DPP10: variants seen among roughly 807,000 people sequenced by gnomAD.
DPP10 encodes inactive dipeptidyl peptidase 10.
In DPP10, 33 loss-of-function variants were observed where a neutral mutation model predicts 120.9. That is an observed-to-expected ratio of 0.27 (90% CI 0.21 to 0.37). The LOEUF is 0.37. Among genes scored for constraint, DPP10 ranks in the 10% least tolerant of loss-of-function variants. The probability of loss-of-function intolerance (pLI) is 1.00; values close to 1 mark genes in which losing one functional copy is unlikely to be tolerated. For synonymous variants in DPP10, 337 were observed against 326.1 expected, an observed-to-expected ratio of 1.03 and a Z score of -0.36; for missense variants, 816 against 942.8, an observed-to-expected ratio of 0.87 and a Z score of 1.76.
At chr2:114,752,663 A>C (rs1173035040) in intron 1 of DPP10, among the ~76,000 whole-genome samples, 1 of 152,016 alleles carries the variant, frequency 6.6e-6, no homozygotes, top group Non-Finnish European at 1.5e-5. Context: ...GGCTGTTAAA[A>C]TGACTCTTGG....
intron 1 of DPP10, among the ~76,000 whole-genome samples, chr2:115,249,812 C>T (rs2058680229): frequency 6.6e-6 from 1 of 152,062 alleles, no homozygotes; most frequent in Non-Finnish European, 1.5e-5. Flanking sequence ...AAGAGTAAAT[C>T]TATGGGGTCA....
In DPP10 at chr2:114,994,989, G is replaced by A. The variant is rs141306287; in HGVS notation, c.61-314250G>A. Among the ~76,000 whole-genome samples the A allele has an allele frequency of 8.8e-4, 134 of 152,220 alleles. 1 individual carries two copies. The Middle Eastern group carries it at 0.02, about 23-fold the overall frequency. Reference sequence around the variant, plus strand: ...CCTGTATTCTACAATGTTCCTTCACGGTGTCTGGCCGTTTTGACGCTGAGC... The same window carrying A: ...CCTGTATTCTACAATGTTCCTTCACAGTGTCTGGCCGTTTTGACGCTGAGC... On this transcript the variant is annotated intron_variant, in intron 1 of 25. Coordinates refer to ENST00000410059, the MANE Select transcript of DPP10 (RefSeq NM_020868.6).
intron 3 of DPP10, among the ~76,000 whole-genome samples, chr2:115,381,448 A>G (rs1238825382): frequency 1.3e-5 from 2 of 152,104 alleles, no homozygotes; most frequent in African/African-American, 2.4e-5. Context: ...CTAGTTATAC[A>G]TTCTTCTAAA....
intron 1 of DPP10, among the ~76,000 whole-genome samples, chr2:114,943,583 T>G (rs2104589763): frequency 6.6e-6 from 1 of 152,238 alleles, no homozygotes; most frequent in African/African-American, 2.4e-5. Context: ...TGTGCCACAT[T>G]TTCTTTATCC....
chr2:115,126,528 T>C (rs544312900), intron 1 of DPP10, among the ~76,000 whole-genome samples: 2 of 152,322 alleles, frequency 1.3e-5, no homozygotes, highest in East Asian at 1.9e-4. Context: ...TATAAATAGA[T>C]AAAAGAAGAG....
chr2:115,558,040 A>G (rs2080327592), intron 5 of DPP10, among the ~76,000 whole-genome samples: 1 of 152,138 alleles, frequency 6.6e-6, no homozygotes, highest in Admixed American at 6.5e-5. Flanking sequence ...TTATAAGACA[A>G]TATATTGTAT....
chr2:114,978,617 A>G (rs913126703), intron 1 of DPP10, among the ~76,000 whole-genome samples: 1 of 152,036 alleles, frequency 6.6e-6, no homozygotes. Context: ...CATTCCTTTC[A>G]ATTGTTACCT....
chr2:115,801,735 T>G (rs1685264544), intron 19 of DPP10, among the ~76,000 whole-genome samples: 1 of 152,192 alleles, frequency 6.6e-6, no homozygotes, highest in Non-Finnish European at 1.5e-5. Flanking sequence ...TGGATTACGT[T>G]TATTGATTTT....
chr2:114,676,578 A>C (rs897561759), intron 1 of DPP10, among the ~76,000 whole-genome samples: 2 of 152,074 alleles, frequency 1.3e-5, no homozygotes, highest in African/African-American at 4.8e-5. Context: ...GTGCTTCTAA[A>C]ACTTGGTTGT....
chr2:115,739,860 G>A lies in DPP10; in HGVS notation c.819G>A (p.Leu273=), dbSNP rs1267749390. The A allele has an allele frequency of 1.9e-6, 3 of 1,613,336 alleles. No individual in the cohort carries two copies. The highest frequency in any genetic ancestry group is 2.7e-5 in the African/African-American group (2 of 74,880). Residue 273 remains leucine, a synonymous_variant, in exon 9 of 26, where the codon TTG becomes TTA. Coordinates refer to ENST00000410059, the MANE Select transcript of DPP10 (RefSeq NM_020868.6). The stretch of plus-strand genomic sequence containing the variant: ...TTATCCCTCGGTTTACTGGAGCGTT[G>A]TATCCCAAAGGAAAGCAGTATCCGT... ...TMVIPRFTGA[L]YPKGKQYPYP...
intron 1 of DPP10, among the ~76,000 whole-genome samples, chr2:114,775,859 A>G (rs1305613219): frequency 6.6e-6 from 1 of 152,178 alleles, no homozygotes; most frequent in Admixed American, 6.5e-5. Flanking sequence ...TGGCAATACA[A>G]ACAATAAAAG....
At chr2:115,781,957 T>A (rs957570442) in intron 16 of DPP10, among the ~76,000 whole-genome samples, 2 of 152,064 alleles carry the variant, frequency 1.3e-5, no homozygotes, top group Non-Finnish European at 2.9e-5. Context: ...CTTTCTTTTT[T>A]TGGCTGAGTG....
intron 15 of DPP10, among the ~76,000 whole-genome samples, chr2:115,778,081 C>T (rs1682334026): frequency 6.6e-6 from 1 of 152,050 alleles, no homozygotes; most frequent in South Asian, 2.1e-4. Context: ...TTTGCAGTTT[C>T]TTAATATCTT....
chr2:115,736,293 A>T (rs1676494759), intron 8 of DPP10, among the ~76,000 whole-genome samples: 1 of 152,154 alleles, frequency 6.6e-6, no homozygotes. Context: ...GGCACACTGC[A>T]TGTTAAAGGA....
chr2:115,149,920 C>A (rs937826946), intron 1 of DPP10, among the ~76,000 whole-genome samples: 1 of 152,016 alleles, frequency 6.6e-6, no homozygotes, highest in African/African-American at 2.4e-5. Context: ...ATTTTTAGAC[C>A]GAGTTAATCT....
chr2:115,033,950 T>C (rs536975065), intron 1 of DPP10, among the ~76,000 whole-genome samples: 1 of 145,158 alleles, frequency 6.9e-6, no homozygotes, highest in African/African-American at 2.5e-5. Flanking sequence ...CAGGCTGTAG[T>C]GCAGTGGTGC....
intron 7 of DPP10, among the ~76,000 whole-genome samples, chr2:115,709,401 G>A (rs150709112): frequency 1.4e-4 from 22 of 152,138 alleles, no homozygotes; most frequent in South Asian, 4.2e-4. Flanking sequence ...AGAATTTTCC[G>A]ACGAAGTCTT....
At chr2:114,727,819 C>G (rs1350687016) in intron 1 of DPP10, among the ~76,000 whole-genome samples, 1 of 152,138 alleles carries the variant, frequency 6.6e-6, no homozygotes, top group African/African-American at 2.4e-5. Context: ...GGTGATAACG[C>G]TAATAATGAA....
chr2:115,379,865 G>A (rs4849395), intron 3 of DPP10, among the ~76,000 whole-genome samples: 1 of 151,988 alleles, frequency 6.6e-6, no homozygotes, highest in Non-Finnish European at 1.5e-5. Flanking sequence ...GAGCGGTTTT[G>A]AGTGAGATTC....
Sources: allele counts gnomAD v4.1 joint callset (sites outside exome capture counted in the v4.1 genomes callset), GRCh38; gene constraint gnomAD v4.1.1; transcripts MANE v1.5; gene names NCBI Gene and HGNC (gene_info 2026-07-23, HGNC 2026-07-21).